Variants in SOX6 observed in about 807,000 individuals in gnomAD.
The protein encoded by SOX6 is SRY-box transcription factor 6, also known as transcription factor SOX-6.
SOX6 carries 11 observed loss-of-function variants against 97.8 expected under a neutral mutation model. The observed-to-expected ratio is 0.11, with a 90% CI of 0.07 to 0.19. The LOEUF is 0.19. SOX6 is among the 10% of genes least tolerant of loss of function. The probability of loss-of-function intolerance (pLI) is 1.00; values close to 1 mark genes in which losing one functional copy is unlikely to be tolerated. For synonymous variants in SOX6, 360 were observed against 371.4 expected (o/e 0.97, Z 0.35); for missense variants, 810 against 1,039.5 (o/e 0.78, Z 3.04).
At chr11:16,063,496 T>TTATATATA (rs66968164) in intron 9 of SOX6, among the ~76,000 whole-genome samples, 16 of 35,674 alleles carry the variant, frequency 4.5e-4, no homozygotes, top group East Asian at 9.2e-4. Flanking sequence ...TACCATAATT[T>TTATATATA]TATATATATA....
At chr11:16,438,076 G>A (rs1859420694) in intron 1 of SOX6, among the ~76,000 whole-genome samples, 1 of 152,046 alleles carries the variant, frequency 6.6e-6, no homozygotes, top group South Asian at 2.1e-4. Flanking sequence ...GTTTAATAAG[G>A]AAAGACAAAT....
At chr11:16,081,661 C>T (rs1848475160) in intron 9 of SOX6, among the ~76,000 whole-genome samples, 1 of 152,112 alleles carries the variant, frequency 6.6e-6, no homozygotes, top group South Asian at 2.1e-4. Context: ...TTCAAATCAG[C>T]ACTTCTTTCT....
intron 4 of SOX6, among the ~76,000 whole-genome samples, chr11:16,593,682 T>C (rs114344255): frequency 1.4e-3 from 208 of 152,312 alleles, no homozygotes; most frequent in African/African-American, 4.6e-3. Context: ...CAAGCACTTA[T>C]TATGAACCAA....
chr11:16,346,719 T>C (rs1856786329), intron 1 of SOX6, among the ~76,000 whole-genome samples: 1 of 152,098 alleles, frequency 6.6e-6, no homozygotes, highest in African/African-American at 2.4e-5. Context: ...AGAACAGATA[T>C]GGTAACACAT....
intron 4 of SOX6, among the ~76,000 whole-genome samples, chr11:16,511,102 C>A (rs554568907): frequency 3.9e-5 from 6 of 152,208 alleles, no homozygotes; most frequent in African/African-American, 1.4e-4. Flanking sequence ...AAAAGAGGAG[C>A]TTCATTCTAA....
rs149721698 is a variant in SOX6 at position 16,663,094 on chromosome 11, A to C, written n.430-50834T>G. Among the ~76,000 whole-genome samples the C allele has an allele frequency of 5.1e-4, 78 of 152,258 alleles. No individual in the cohort carries two copies. The East Asian group carries it at 0.015, about 29-fold the overall frequency. The stretch of plus-strand genomic sequence containing the variant: ...ACCAAAAATAGAAGGAAATCTCCTC[A>C]ATCTTATAAAAGGTATGTATGGCAG... On this transcript the variant is annotated intron_variant and non_coding_transcript_variant, in intron 3 of 5. Coordinates refer to the SOX6 transcript ENST00000524520.
Position 16,064,956 on chromosome 11 carries a change from C to T in SOX6, c.1102-9055G>A, listed in dbSNP as rs1323062621. Among the ~76,000 whole-genome samples the T allele has an allele frequency of 4.6e-5, 7 of 151,952 alleles. No individual in the cohort carries two copies. The East Asian group carries it at 1.4e-3, about 29-fold the overall frequency. Reference sequence around the variant, plus strand: ...AAAGCCTTTCCTCTAAGATCTGGAACATGACAAAGATGTCCACTTTCAACA... The same window carrying T: ...AAAGCCTTTCCTCTAAGATCTGGAATATGACAAAGATGTCCACTTTCAACA... On this transcript the variant is annotated intron_variant, in intron 9 of 15. Transcript: ENST00000683767.
chr11:16,267,753 C>T (rs1854124075), intron 3 of SOX6, among the ~76,000 whole-genome samples: 1 of 151,532 alleles, frequency 6.6e-6, no homozygotes. Flanking sequence ...CCTATGTTCA[C>T]TGCAGCACTA....
intron 6 of SOX6, among the ~76,000 whole-genome samples, chr11:16,178,016 G>C (rs945785884): frequency 1.3e-5 from 2 of 151,914 alleles, no homozygotes; most frequent in African/African-American, 4.8e-5. Flanking sequence ...AGTAACTGAA[G>C]GATAGCGCAG....
intron 3 of SOX6, among the ~76,000 whole-genome samples, chr11:16,278,942 G>A (rs1312210533): frequency 6.6e-6 from 1 of 152,082 alleles, no homozygotes; most frequent in African/African-American, 2.4e-5. Context: ...AATGGTAAAT[G>A]ATGAGTTGAT....
rs1855378927 is a variant in SOX6 at position 16,031,711 on chromosome 11, A to C, written c.1623+14803T>G. ...TAAGATTGCAGTGAGAAGTGAAGGA[A>C]GGAGAGAGGGAGGGTGGAAAAATAA... On this transcript the variant is annotated intron_variant, in intron 12 of 15. Transcript: ENST00000683767. 2.0e-5 allele frequency among the ~76,000 whole-genome samples: 3 copies of C among 152,052 alleles called. No homozygotes were observed. The South Asian group carries it at 6.2e-4, about 32-fold the overall frequency.
intron 4 of SOX6, among the ~76,000 whole-genome samples, chr11:16,511,039 CG>C (rs1565167238): frequency 1.3e-5 from 2 of 151,896 alleles, no homozygotes. Flanking sequence ...GATACTAAGA[CG>C]AAAAAACTAA....
At chr11:16,559,514 C>T (rs1011901771) in intron 4 of SOX6, among the ~76,000 whole-genome samples, 1 of 151,084 alleles carries the variant, frequency 6.6e-6, no homozygotes, top group Admixed American at 6.7e-5. Flanking sequence ...AATAAAATGC[C>T]TCATTCATTG....
chr11:16,071,334 A>G lies in SOX6; in HGVS notation c.1102-15433T>C, dbSNP rs543284856. 2.0e-5 allele frequency among the ~76,000 whole-genome samples: 3 copies of G among 152,348 alleles called. No homozygotes were observed. In the South Asian group the frequency reaches 6.2e-4, roughly 32 times the overall value. On this transcript the variant is annotated intron_variant, in intron 9 of 15. Transcript: ENST00000683767. ...TAGCCAGGCAGGCAACACCTGCTAG[A>G]GATTCTAGCCCAGTGGTCTCACTTC... is the stretch of plus-strand genomic sequence containing the variant.
chr11:16,447,154 TTTTA>T (rs1299481965), intron 1 of SOX6, among the ~76,000 whole-genome samples: 1 of 152,092 alleles, frequency 6.6e-6, no homozygotes, highest in African/African-American at 2.4e-5. Flanking sequence ...AAAAGTCTGT[TTTTA>T]TTTGCTTTGC....
intron 12 of SOX6, among the ~76,000 whole-genome samples, chr11:16,023,649 C>T (rs1007431170): frequency 1.7e-4 from 26 of 152,036 alleles, no homozygotes; most frequent in Admixed American, 1.6e-3. Context: ...ACCATCTCCA[C>T]AAAAAATATC....
At chr11:16,387,805 T>G (rs925098169) in intron 1 of SOX6, among the ~76,000 whole-genome samples, 29 of 152,164 alleles carry the variant, frequency 1.9e-4, no homozygotes, top group Non-Finnish European at 5.9e-5. Flanking sequence ...TTTTTCCCAT[T>G]GTTTACTATG....
chr11:16,595,806 A>C (rs993404777), intron 4 of SOX6, among the ~76,000 whole-genome samples: 5 of 152,068 alleles, frequency 3.3e-5, no homozygotes, highest in Admixed American at 1.3e-4. Context: ...TTAAAAAAAC[A>C]AAAACCTAAT....
intron 13 of SOX6, among the ~76,000 whole-genome samples, chr11:15,993,150 T>C (rs58476737): frequency 0.033 from 5,092 of 152,272 alleles, 276 homozygotes; most frequent in African/African-American, 0.12. Flanking sequence ...AAAACCCTTA[T>C]AAATAGATAA....
Sources: allele counts gnomAD v4.1 joint callset (sites outside exome capture counted in the v4.1 genomes callset), GRCh38; gene constraint gnomAD v4.1.1; transcripts MANE v1.5; gene names NCBI Gene and HGNC (gene_info 2026-07-23, HGNC 2026-07-21).